The following SLC4A10 variants were observed in gnomAD, a reference collection of about 807,000 sequenced individuals.
SLC4A10 encodes solute carrier family 4 member 10.
A neutral mutation model predicts 137.7 loss-of-function variants in SLC4A10; 42 were observed. The observed-to-expected ratio is 0.30, with a 90% CI of 0.24 to 0.39. The LOEUF (loss-of-function observed/expected upper bound fraction) is 0.39, where lower values mean the gene tolerates loss of function less well. Ranked by LOEUF, SLC4A10 falls within the 10% of genes least tolerant of loss-of-function variation. The pLI is 1.00. For missense variants in SLC4A10, 925 were observed against 1,355.0 expected (o/e 0.68, Z 4.98); for synonymous variants, 474 against 464.1 (o/e 1.02, Z -0.27).
intron 1 of SLC4A10, among the ~76,000 whole-genome samples, chr2:161,655,472 T>C (rs1039072789): frequency 1.2e-4 from 18 of 152,210 alleles, no homozygotes; most frequent in African/African-American, 4.3e-4. Context: ...TTTTTTCACA[T>C]TGACCATGAT....
intron 2 of SLC4A10, among the ~76,000 whole-genome samples, chr2:161,793,929 A>G (rs2054482080): frequency 6.6e-6 from 1 of 152,146 alleles, no homozygotes. Context: ...AATTGCCATG[A>G]TTGAATTAGA....
intron 22 of SLC4A10, 89 bp from the exon 23 acceptor site, chr2:161,964,962 A>C: frequency 8.2e-7 from 1 of 1,216,534 alleles, no homozygotes; most frequent in Non-Finnish European, 1.1e-6. Context: ...GCCTAATAGA[A>C]ATTGTTTCTA....
At position 161,802,561 on chromosome 2, in the gene SLC4A10, C is replaced by T. The variant is rs563985633; in HGVS notation, c.131-1888C>T. On this transcript the variant is annotated intron_variant, in intron 2 of 26. Coordinates refer to ENST00000446997, the MANE Select transcript of SLC4A10 (RefSeq NM_001178015.2). ...TTTCAATTACATGTCTTCTGAAACT[C>T]ATTATTGTAAGGCTTTGTTTTAGGC... 5.3e-5 allele frequency among the ~76,000 whole-genome samples: 8 copies of T among 152,114 alleles called. 1 individual carries two copies. In the South Asian group the frequency reaches 1.7e-3, roughly 32 times the overall value.
intron 19 of SLC4A10, among the ~76,000 whole-genome samples, chr2:161,954,055 T>A (rs1695249091): frequency 6.6e-6 from 1 of 152,180 alleles, no homozygotes; most frequent in Non-Finnish European, 1.5e-5. Flanking sequence ...CTGTAGACAG[T>A]TCAGGCTTCT....
intron 3 of SLC4A10, among the ~76,000 whole-genome samples, chr2:161,805,038 A>G (rs2055790167): frequency 6.6e-6 from 1 of 152,188 alleles, no homozygotes; most frequent in Non-Finnish European, 1.5e-5. Context: ...AATAAAAAAG[A>G]GGTTTAATTG....
At chr2:161,627,067 A>T (rs192966557) in intron 1 of SLC4A10, among the ~76,000 whole-genome samples, 1 of 152,284 alleles carries the variant, frequency 6.6e-6, no homozygotes, top group Non-Finnish European at 1.5e-5. Flanking sequence ...GTTATTATAT[A>T]TCTCTTGAGT....
chr2:161,734,777 C>T (rs2047164624), intron 1 of SLC4A10, among the ~76,000 whole-genome samples: 1 of 151,852 alleles, frequency 6.6e-6, no homozygotes, highest in Non-Finnish European at 1.5e-5. Flanking sequence ...GTTTTAATTA[C>T]ATATTGATAT....
chr2:161,708,728 T>A, intron 1 of SLC4A10: 1 of 1,529,724 alleles, frequency 6.5e-7, no homozygotes, highest in South Asian at 1.2e-5. Flanking sequence ...ATGGCTGTGA[T>A]TATCTTTTGT....
At chr2:161,783,198 A>G (rs972866030) in intron 2 of SLC4A10, among the ~76,000 whole-genome samples, 17 of 151,950 alleles carry the variant, frequency 1.1e-4, no homozygotes, top group Non-Finnish European at 1.9e-4. Flanking sequence ...ATGCTGGGGG[A>G]AAAAGCCAAC....
chr2:161,689,165 A>C (rs1385632103), intron 1 of SLC4A10, among the ~76,000 whole-genome samples: 1 of 152,208 alleles, frequency 6.6e-6, no homozygotes, highest in Non-Finnish European at 1.5e-5. Context: ...ATTGTAAGCT[A>C]AGGTTAAGAA....
chr2:161,768,726 G>T (rs903659133), intron 1 of SLC4A10, among the ~76,000 whole-genome samples: 3 of 151,924 alleles, frequency 2.0e-5, no homozygotes, highest in African/African-American at 7.2e-5. Flanking sequence ...CTCTGAATCA[G>T]ACTATTCTGA....
At chr2:161,853,705 TG>T (rs200299189) in intron 4 of SLC4A10, among the ~76,000 whole-genome samples, 5,961 of 152,304 alleles carry the variant, frequency 0.039, 153 homozygotes, top group Middle Eastern at 0.065. Flanking sequence ...ATACTGTTGG[TG>T]ATTTGTGGCT....
chr2:161,901,988 C>A (rs1228067077), intron 12 of SLC4A10: 1 of 452,352 alleles, frequency 2.2e-6, no homozygotes, highest in Non-Finnish European at 4.4e-6. Flanking sequence ...AGATTTTTTT[C>A]GAAGTTCACT....
At chr2:161,715,372 T>C (rs2044735227) in intron 1 of SLC4A10, among the ~76,000 whole-genome samples, 1 of 152,098 alleles carries the variant, frequency 6.6e-6, no homozygotes, top group African/African-American at 2.4e-5. Context: ...CTGGGATACA[T>C]GTGCAGGATA....
At chr2:161,632,633 A>G (rs2105418116) in intron 1 of SLC4A10, among the ~76,000 whole-genome samples, 1 of 151,634 alleles carries the variant, frequency 6.6e-6, no homozygotes, top group Middle Eastern at 3.4e-3. Flanking sequence ...GGGATTATTG[A>G]AAACCTTACT....
chr2:161,796,290 G>A (rs772136155), intron 2 of SLC4A10, among the ~76,000 whole-genome samples: 1 of 152,254 alleles, frequency 6.6e-6, no homozygotes, highest in Non-Finnish European at 1.5e-5. Flanking sequence ...GTGAATTTGG[G>A]TTGGACTCAG....
intron 2 of SLC4A10, among the ~76,000 whole-genome samples, chr2:161,778,238 T>C (rs2052608830): frequency 6.6e-6 from 1 of 151,938 alleles, no homozygotes; most frequent in African/African-American, 2.4e-5. Context: ...TACACAAAAA[T>C]AGAATGCTCA....
At chr2:161,683,932 G>A (rs1182942150) in intron 1 of SLC4A10, among the ~76,000 whole-genome samples, 2 of 152,054 alleles carry the variant, frequency 1.3e-5, no homozygotes, top group East Asian at 3.8e-4. Context: ...TTCCAATTCT[G>A]TAACTTTAAG....
At chr2:161,814,583 G>A (rs918151090) in intron 3 of SLC4A10, among the ~76,000 whole-genome samples, 1 of 152,110 alleles carries the variant, frequency 6.6e-6, no homozygotes, top group African/African-American at 2.4e-5. Flanking sequence ...ATACATTGCA[G>A]CCCTAAAAAA....
Sources: gnomAD v4.1 joint callset for allele counts (sites outside exome capture counted in the v4.1 genomes callset) on GRCh38, gnomAD v4.1.1 for gene constraint, MANE v1.5 for transcripts, NCBI Gene and HGNC (gene_info 2026-07-23, HGNC 2026-07-21) for gene names.